UNC5C: variants seen among roughly 807,000 people sequenced by gnomAD.
UNC5C encodes unc-5 netrin receptor C.
A neutral mutation model predicts 99.8 loss-of-function variants in UNC5C; 47 were observed. The observed-to-expected ratio is 0.47, with a 90% confidence interval of 0.37 to 0.60. UNC5C has a LOEUF of 0.60. Ranked by LOEUF, UNC5C falls within the 20% of genes least tolerant of loss-of-function variation. The probability of loss-of-function intolerance (pLI) is 0.00; values close to 1 mark genes in which losing one functional copy is unlikely to be tolerated. For synonymous variants in UNC5C, 487 were observed against 452.2 expected, an observed-to-expected ratio of 1.08 and a Z score of -0.98; for missense variants, 1,062 against 1,165.9, an observed-to-expected ratio of 0.91 and a Z score of 1.30.
intron 1 of UNC5C, among the ~76,000 whole-genome samples, chr4:95,497,580 T>A (rs191367483): frequency 1.3e-5 from 2 of 152,082 alleles, no homozygotes; most frequent in Non-Finnish European, 2.9e-5. Flanking sequence ...ACTAATGGTC[T>A]CTCAGTGGTG....
intron 1 of UNC5C, among the ~76,000 whole-genome samples, chr4:95,380,541 C>G (rs771002550): frequency 1.3e-5 from 2 of 151,064 alleles, no homozygotes; most frequent in Non-Finnish European, 2.9e-5. Context: ...CCTCCCAAAT[C>G]ACCAGATTAC....
intron 1 of UNC5C, among the ~76,000 whole-genome samples, chr4:95,398,432 C>CTCATTCATTCAT (rs112476627): frequency 8.6e-5 from 13 of 151,292 alleles, no homozygotes; most frequent in African/African-American, 2.9e-4. Flanking sequence ...ACTTCATTCA[C>CTCATTCATTCAT]TCATTCATTC....
intron 1 of UNC5C, among the ~76,000 whole-genome samples, chr4:95,346,370 C>A (rs1042308243): frequency 7.9e-5 from 12 of 152,040 alleles, no homozygotes; most frequent in African/African-American, 2.6e-4. Context: ...GAACTAATAC[C>A]AATCCTCTCA....
chr4:95,359,038 T>C (rs897922824), intron 1 of UNC5C, among the ~76,000 whole-genome samples: 7 of 152,192 alleles, frequency 4.6e-5, no homozygotes, highest in Admixed American at 4.6e-4. Context: ...ATTTGAGGTC[T>C]GTAATTAAAT....
intron 1 of UNC5C, among the ~76,000 whole-genome samples, chr4:95,415,884 G>A (rs1746147077): frequency 6.6e-6 from 1 of 151,856 alleles, no homozygotes; most frequent in Non-Finnish European, 1.5e-5. Context: ...CACATTTCAA[G>A]TGCCTTGAAA....
intron 1 of UNC5C, among the ~76,000 whole-genome samples, chr4:95,451,730 C>G (rs899958134): frequency 6.6e-6 from 1 of 152,094 alleles, no homozygotes; most frequent in Non-Finnish European, 1.5e-5. Context: ...CAGAAAGCAA[C>G]TATATTTTTC....
At chr4:95,223,078 G>T (rs1463926736) in intron 7 of UNC5C, among the ~76,000 whole-genome samples, 2 of 152,026 alleles carry the variant, frequency 1.3e-5, no homozygotes, top group Non-Finnish European at 2.9e-5. Context: ...GTATTCTGAA[G>T]GTGGAAACTA....
chr4:95,171,877 T>A (rs957567227), intron 14 of UNC5C, among the ~76,000 whole-genome samples: 1 of 152,022 alleles, frequency 6.6e-6, no homozygotes, highest in Non-Finnish European at 1.5e-5. Flanking sequence ...TGTTCCTGTT[T>A]CTCCACATCC....
At chr4:95,365,604 C>T (rs185294286) in intron 1 of UNC5C, among the ~76,000 whole-genome samples, 2,878 of 151,918 alleles carry the variant, frequency 0.019, 46 homozygotes, top group Non-Finnish European at 0.029. Flanking sequence ...ATGGCTCAAA[C>T]CTATTTTAAA....
intron 5 of UNC5C, 68 bp from the exon 6 acceptor site, chr4:95,245,212 A>C: frequency 1.4e-6 from 2 of 1,452,830 alleles, no homozygotes; most frequent in South Asian, 2.7e-5. Flanking sequence ...TGGACACACA[A>C]AACAGACACA....
chr4:95,373,288 T>G (rs1744799881), intron 1 of UNC5C, among the ~76,000 whole-genome samples: 2 of 152,196 alleles, frequency 1.3e-5, no homozygotes, highest in Admixed American at 1.3e-4. Flanking sequence ...TACATCTATA[T>G]GAGCTGACCC....
chr4:95,207,771 G>C (rs889244583), intron 10 of UNC5C, among the ~76,000 whole-genome samples: 4 of 152,166 alleles, frequency 2.6e-5, no homozygotes, highest in Non-Finnish European at 5.9e-5. Context: ...CATGGCTGAC[G>C]TATAGTTAGT....
intron 1 of UNC5C, among the ~76,000 whole-genome samples, chr4:95,482,063 G>T (rs1382929914): frequency 6.6e-6 from 1 of 152,064 alleles, no homozygotes; most frequent in South Asian, 2.1e-4. Flanking sequence ...CCATCAGAGT[G>T]AACAGGCAAC....
chr4:95,496,900 G>T (rs551334178), intron 1 of UNC5C, among the ~76,000 whole-genome samples: 143 of 151,846 alleles, frequency 9.4e-4, no homozygotes, highest in African/African-American at 2.1e-3. Flanking sequence ...TCATAGCTTA[G>T]CTCCCACTTA....
chr4:95,540,112 G>A (rs1578217062), intron 1 of UNC5C, among the ~76,000 whole-genome samples: 1 of 152,226 alleles, frequency 6.6e-6, no homozygotes, highest in East Asian at 1.9e-4. Context: ...GTATAGCACT[G>A]ATTTAAATCT....
intron 14 of UNC5C, among the ~76,000 whole-genome samples, chr4:95,175,669 C>T (rs1423608307): frequency 6.6e-6 from 1 of 152,058 alleles, no homozygotes; most frequent in African/African-American, 2.4e-5. Context: ...CTCTGGCTGC[C>T]CTTAACATTT....
chr4:95,535,323 T>C (rs1413728115), intron 1 of UNC5C, among the ~76,000 whole-genome samples: 1 of 152,156 alleles, frequency 6.6e-6, no homozygotes, highest in African/African-American at 2.4e-5. Flanking sequence ...TTGGTCCATA[T>C]GACATTCTTT....
At chr4:95,415,700 C>T (rs74580355) in intron 1 of UNC5C, among the ~76,000 whole-genome samples, 4 of 152,100 alleles carry the variant, frequency 2.6e-5, no homozygotes, top group African/African-American at 9.6e-5. Flanking sequence ...CCCAAAACAA[C>T]TTGATGGTTA....
intron 1 of UNC5C, among the ~76,000 whole-genome samples, chr4:95,378,692 A>T (rs1192415936): frequency 6.6e-6 from 1 of 152,204 alleles, no homozygotes; most frequent in African/African-American, 2.4e-5. Flanking sequence ...TTGTTCTTTC[A>T]TAGTAAATTT....
Sources: allele counts gnomAD v4.1 joint callset (sites outside exome capture counted in the v4.1 genomes callset), GRCh38; gene constraint gnomAD v4.1.1; transcripts MANE v1.5; gene names NCBI Gene and HGNC (gene_info 2026-07-23, HGNC 2026-07-21).